Variants in NBAS observed in about 807,000 individuals in gnomAD.
The protein encoded by NBAS is NBAS subunit of NRZ tethering complex.
Under a neutral mutation model 302.5 loss-of-function variants are expected in NBAS, and 219 were observed. That is an observed-to-expected ratio of 0.72 (90% CI 0.65 to 0.81). The LOEUF (loss-of-function observed/expected upper bound fraction) is 0.81. NBAS is among the 30% of genes least tolerant of loss of function. NBAS has a pLI of 0.00. For missense variants in NBAS, 2,932 were observed against 2,841.6 expected (o/e 1.03, Z -0.72); for synonymous variants, 1,118 against 1,021.6 (o/e 1.09, Z -1.80).
chr2:15,354,725 T>G (rs1201313730), intron 33 of NBAS, among the ~76,000 whole-genome samples: 4 of 152,254 alleles, frequency 2.6e-5, no homozygotes, highest in African/African-American at 9.6e-5. Context: ...CAGACAACCC[T>G]GAGCCCTCTT....
intron 22 of NBAS, among the ~76,000 whole-genome samples, chr2:15,424,718 T>C (rs1409857630): frequency 6.6e-6 from 1 of 152,308 alleles, no homozygotes; most frequent in Non-Finnish European, 1.5e-5. Context: ...TCAAAACGGC[T>C]ATGCCACAAA....
chr2:14,944,598 T>C, the NBAS span, among the ~76,000 whole-genome samples: 1 of 152,098 alleles, frequency 6.6e-6, no homozygotes, highest in African/African-American at 2.4e-5. Flanking sequence ...AATGGTGGCA[T>C]ACAAGCAAGC....
chr2:14,835,983 C>A, the NBAS span, among the ~76,000 whole-genome samples: 1 of 151,896 alleles, frequency 6.6e-6, no homozygotes, highest in African/African-American at 2.4e-5. Context: ...ATATTGGGTG[C>A]CTTTCTAATT....
At chr2:15,260,904 T>G (rs1668820614) in intron 44 of NBAS, among the ~76,000 whole-genome samples, 1 of 152,196 alleles carries the variant, frequency 6.6e-6, no homozygotes, top group Non-Finnish European at 1.5e-5. Flanking sequence ...GGAGATACAT[T>G]CTGATGTTTC....
At chr2:14,913,109 T>C in the NBAS span, among the ~76,000 whole-genome samples, 1 of 152,256 alleles carries the variant, frequency 6.6e-6, no homozygotes, top group Non-Finnish European at 1.5e-5. Flanking sequence ...ATTGGAACTT[T>C]ATTTAACTTT....
chr2:15,021,089 A>G, the NBAS span, among the ~76,000 whole-genome samples: 1 of 152,022 alleles, frequency 6.6e-6, no homozygotes, highest in East Asian at 1.9e-4. Context: ...AAAATTAGCC[A>G]GGCATGTTGG....
Position 15,348,058 on chromosome 2 carries a change from A to G in NBAS, c.4179+3934T>C, listed in dbSNP as rs141583787. The stretch of plus-strand genomic sequence containing the variant: ...TAAAGTCATCTCTCATTTATGAGCT[A>G]TAATTTAATGTGGTTATTATATCTA... On this transcript the variant is annotated intron_variant, in intron 35 of 51. Coordinates refer to ENST00000281513, the MANE Select transcript of NBAS (RefSeq NM_015909.4). Among the ~76,000 whole-genome samples, 517 of 152,346 alleles carry G rather than the reference A, an allele frequency of 3.4e-3. 4 individuals are homozygous for G. The highest frequency in any genetic ancestry group is 8.8e-3 in the Admixed American group (135 of 15,296).
At chr2:15,395,642 G>A (rs907829834) in intron 27 of NBAS, among the ~76,000 whole-genome samples, 2 of 151,896 alleles carry the variant, frequency 1.3e-5, no homozygotes, top group Non-Finnish European at 1.5e-5. Context: ...ATTTGAATAC[G>A]ATTTCTAATC....
At chr2:15,525,481 T>C (rs1662874829) in intron 9 of NBAS, among the ~76,000 whole-genome samples, 1 of 152,170 alleles carries the variant, frequency 6.6e-6, no homozygotes, top group African/African-American at 2.4e-5. Context: ...ACACACTCTA[T>C]TAAAAAATAT....
At chr2:15,113,184 T>G in the NBAS span, among the ~76,000 whole-genome samples, 1 of 152,052 alleles carries the variant, frequency 6.6e-6, no homozygotes. Flanking sequence ...TATTCATCCC[T>G]GGGTGGGGTA....
chr2:15,016,438 G>A, the NBAS span, among the ~76,000 whole-genome samples: 1 of 152,012 alleles, frequency 6.6e-6, no homozygotes, highest in South Asian at 2.1e-4. Context: ...AACTTCTGAA[G>A]GAAAACTACA....
At chr2:15,172,110 G>A (rs1414725762) in intron 51 of NBAS, among the ~76,000 whole-genome samples, 1 of 152,210 alleles carries the variant, frequency 6.6e-6, no homozygotes, top group Non-Finnish European at 1.5e-5. Flanking sequence ...TTACAGCGGT[G>A]ACATCAGCAT....
chr2:15,402,653 T>C (rs1395223856), intron 25 of NBAS, among the ~76,000 whole-genome samples: 2 of 152,156 alleles, frequency 1.3e-5, no homozygotes, highest in South Asian at 4.1e-4. Context: ...TGTGTTTCAG[T>C]TACAAAGTTA....
the NBAS span, among the ~76,000 whole-genome samples, chr2:15,083,936 A>C: frequency 1.1e-4 from 16 of 152,272 alleles, no homozygotes; most frequent in Non-Finnish European, 2.2e-4. Context: ...AATGGAAACA[A>C]AAATGCAGAC....
At chr2:14,808,237 A>T in the NBAS span, among the ~76,000 whole-genome samples, 4 of 152,130 alleles carry the variant, frequency 2.6e-5, no homozygotes, top group East Asian at 3.9e-4. Context: ...CCAAGAACAG[A>T]GAGCTAGTAA....
chr2:14,978,823 T>C, the NBAS span, among the ~76,000 whole-genome samples: 2 of 152,162 alleles, frequency 1.3e-5, no homozygotes, highest in African/African-American at 4.8e-5. Context: ...TCTCTCTCCA[T>C]CTCCCTTCTC....
At chr2:14,802,473 T>C in the NBAS span, among the ~76,000 whole-genome samples, 395 of 151,988 alleles carry the variant, frequency 2.6e-3, 1 homozygote, top group Middle Eastern at 0.014. Flanking sequence ...TCCAGCTTTG[T>C]TCTTTTGGCT....
intron 51 of NBAS, among the ~76,000 whole-genome samples, chr2:15,170,003 T>C (rs1664218942): frequency 6.6e-6 from 1 of 152,238 alleles, no homozygotes; most frequent in African/African-American, 2.4e-5. Context: ...TTTGATAAGA[T>C]GCACAGATAA....
At chr2:15,061,183 T>C in the NBAS span, among the ~76,000 whole-genome samples, 2 of 152,162 alleles carry the variant, frequency 1.3e-5, no homozygotes, top group Non-Finnish European at 2.9e-5. Flanking sequence ...GTCTTTTCCA[T>C]ACATGCACGT....
Sources: allele counts gnomAD v4.1 joint callset (sites outside exome capture counted in the v4.1 genomes callset), GRCh38; gene constraint gnomAD v4.1.1; transcripts MANE v1.5; gene names NCBI Gene and HGNC (gene_info 2026-07-23, HGNC 2026-07-21).